LRRTM4: variants seen among roughly 807,000 people sequenced by gnomAD.
LRRTM4 encodes leucine-rich repeat transmembrane neuronal protein 4.
Under a neutral mutation model 47.6 loss-of-function variants are expected in LRRTM4, and 25 were observed. That is an observed-to-expected ratio of 0.53 (90% CI 0.38 to 0.73). The LOEUF is 0.73. LRRTM4 is among the 30% of genes least tolerant of loss of function. LRRTM4 has a pLI of 0.00. For synonymous variants in LRRTM4, 311 were observed against 269.5 expected, an observed-to-expected ratio of 1.15 and a Z score of -1.51; for missense variants, 638 against 713.4, an observed-to-expected ratio of 0.89 and a Z score of 1.20.
intron 3 of LRRTM4, among the ~76,000 whole-genome samples, chr2:77,049,795 T>C: frequency 6.6e-6 from 1 of 152,098 alleles, no homozygotes; most frequent in Non-Finnish European, 1.5e-5. Context: ...TTTAGTTTGA[T>C]ATAATCCCAC....
intron 3 of LRRTM4, among the ~76,000 whole-genome samples, chr2:76,899,328 CACACACACACACACACACACACACAT>C (rs1205711403): frequency 6.9e-6 from 1 of 145,404 alleles, no homozygotes; most frequent in African/African-American, 2.7e-5. Context: ...CACACACACA[CACACACACACACACACACACACACAT>C]ATATATATAT....
intron 3 of LRRTM4, among the ~76,000 whole-genome samples, chr2:77,090,959 G>A (rs190464620): frequency 0.013 from 2,033 of 151,838 alleles, 8 homozygotes; most frequent in African/African-American, 0.02. Flanking sequence ...GAGGCTACCC[G>A]CTCCACATTA....
chr2:77,239,835 AG>A (rs762451640), intron 3 of LRRTM4, among the ~76,000 whole-genome samples: 2 of 151,878 alleles, frequency 1.3e-5, no homozygotes, highest in South Asian at 2.1e-4. Context: ...ACTTCTATCT[AG>A]TAATTGATAG....
At chr2:76,797,008 T>C (rs1034283608) in intron 3 of LRRTM4, among the ~76,000 whole-genome samples, 2 of 152,036 alleles carry the variant, frequency 1.3e-5, no homozygotes, top group African/African-American at 2.4e-5. Context: ...CTGAAAGTGA[T>C]GGGGAGAATG....
intron 3 of LRRTM4, among the ~76,000 whole-genome samples, chr2:76,788,781 A>G (rs1476252724): frequency 6.6e-6 from 1 of 152,174 alleles, no homozygotes; most frequent in East Asian, 1.9e-4. Flanking sequence ...GGAAGTAGTA[A>G]CACTATTTTA....
intron 3 of LRRTM4, among the ~76,000 whole-genome samples, chr2:77,036,801 G>A (rs1361827645): frequency 1.3e-5 from 2 of 151,604 alleles, no homozygotes; most frequent in East Asian, 1.9e-4. Flanking sequence ...AGTAACTGAA[G>A]CAAAAATGTG....
chr2:77,264,353 T>G (rs1366350850), intron 3 of LRRTM4, among the ~76,000 whole-genome samples: 1 of 148,888 alleles, frequency 6.7e-6, no homozygotes, highest in East Asian at 1.9e-4. Context: ...AGTACAACCA[T>G]GCATGCAAGT....
rs534451390 is a variant in LRRTM4, at chr2:77,222,242, C to A, written c.1551+296076G>T. Among the ~76,000 whole-genome samples, 12 of 152,172 alleles carry A rather than the reference C, an allele frequency of 7.9e-5. 1 individual carries two copies. The highest frequency in any genetic ancestry group is 7.9e-4 in the Admixed American group (12 of 15,286). On this transcript the variant is annotated intron_variant, in intron 3 of 3. Coordinates refer to ENST00000409884, the MANE Select transcript of LRRTM4 (RefSeq NM_001134745.3). The stretch of plus-strand genomic sequence containing the variant: ...GGAAATTTATAGCACCGAATGCCCA[C>A]AAGAGAAAGCAGGAAAGATCTAAAA...
intron 3 of LRRTM4, among the ~76,000 whole-genome samples, chr2:77,239,264 T>C (rs1675194845): frequency 6.6e-6 from 1 of 151,954 alleles, no homozygotes; most frequent in South Asian, 2.1e-4. Context: ...CTTAATATTA[T>C]TTGCAATATA....
At chr2:77,175,365 A>T (rs1337391945) in intron 3 of LRRTM4, among the ~76,000 whole-genome samples, 1 of 152,050 alleles carries the variant, frequency 6.6e-6, no homozygotes, top group Non-Finnish European at 1.5e-5. Flanking sequence ...TCTGTGCTAA[A>T]GGGTGGAAGG....
intron 3 of LRRTM4, among the ~76,000 whole-genome samples, chr2:77,482,467 T>G (rs917449047): frequency 6.2e-5 from 8 of 128,910 alleles, no homozygotes; most frequent in African/African-American, 1.7e-4. Context: ...CACAGAGACC[T>G]GTGATTAATT....
intron 3 of LRRTM4, among the ~76,000 whole-genome samples, chr2:76,808,144 C>T (rs1020296589): frequency 1.3e-5 from 2 of 151,740 alleles, no homozygotes; most frequent in African/African-American, 4.8e-5. Flanking sequence ...CTCAGCCTTA[C>T]TCAGTAGCAG....
chr2:77,311,059 C>CATAT (rs146036081), intron 3 of LRRTM4, among the ~76,000 whole-genome samples: 214 of 150,436 alleles, frequency 1.4e-3, no homozygotes, highest in African/African-American at 5.1e-3. Context: ...TATACACACA[C>CATAT]ATATATATAT....
chr2:77,147,987 C>T (rs934951627), intron 3 of LRRTM4, among the ~76,000 whole-genome samples: 1 of 152,056 alleles, frequency 6.6e-6, no homozygotes, highest in Non-Finnish European at 1.5e-5. Context: ...AATTTACTAT[C>T]CATAATGGAA....
chr2:77,346,274 C>T (rs1402506478), intron 3 of LRRTM4, among the ~76,000 whole-genome samples: 1 of 152,042 alleles, frequency 6.6e-6, no homozygotes, highest in Non-Finnish European at 1.5e-5. Flanking sequence ...GGTGATGGAA[C>T]TGCCATATCT....
chr2:76,850,131 T>C (rs1029926038), intron 3 of LRRTM4, among the ~76,000 whole-genome samples: 1 of 152,194 alleles, frequency 6.6e-6, no homozygotes, highest in Non-Finnish European at 1.5e-5. Flanking sequence ...TGTCTCAGAA[T>C]TTTTCAAGTT....
At chr2:76,763,168 C>T (rs994289923) in intron 3 of LRRTM4, among the ~76,000 whole-genome samples, 21 of 152,132 alleles carry the variant, frequency 1.4e-4, no homozygotes, top group African/African-American at 5.1e-4. Context: ...TTATTCTCCC[C>T]TATTCCAGGA....
chr2:77,075,033 G>A (rs1006981694), intron 3 of LRRTM4, among the ~76,000 whole-genome samples: 45 of 152,106 alleles, frequency 3.0e-4, no homozygotes, highest in Admixed American at 2.9e-3. Flanking sequence ...AACTGTCTCT[G>A]AGACACAGAA....
intron 3 of LRRTM4, among the ~76,000 whole-genome samples, chr2:77,350,932 A>G (rs577962497): frequency 2.0e-5 from 3 of 152,152 alleles, no homozygotes; most frequent in Non-Finnish European, 4.4e-5. Context: ...TTTAACTTGC[A>G]TTTTAAGTTT....
Sources: gnomAD v4.1 joint callset for allele counts (sites outside exome capture counted in the v4.1 genomes callset) on GRCh38, gnomAD v4.1.1 for gene constraint, MANE v1.5 for transcripts, NCBI Gene and HGNC (gene_info 2026-07-23, HGNC 2026-07-21) for gene names.